The following ELOVL5 variants were observed in gnomAD, a reference collection of about 807,000 sequenced individuals.
The protein encoded by ELOVL5 is very long chain fatty acid elongase 5.
In ELOVL5, 8 loss-of-function variants were observed where a neutral mutation model predicts 38.6. That is an observed-to-expected ratio of 0.21 (90% confidence interval 0.12 to 0.37). The LOEUF (loss-of-function observed/expected upper bound fraction) is 0.37, where lower values mean the gene tolerates loss of function less well. ELOVL5 is among the 10% of genes least tolerant of loss of function. The probability of loss-of-function intolerance (pLI) is 1.00; values close to 1 mark genes in which losing one functional copy is unlikely to be tolerated. For synonymous variants in ELOVL5, 127 were observed against 133.7 expected, an observed-to-expected ratio of 0.95 and a Z score of 0.34; for missense variants, 280 against 367.8, an observed-to-expected ratio of 0.76 and a Z score of 1.95.
At chr6:53,294,526 G>C in intron 2 of ELOVL5, 1 of 1,535,000 alleles carries the variant, frequency 6.5e-7, no homozygotes, top group Middle Eastern at 1.7e-4. Context: ...ACAAGAACAA[G>C]GATCCTTGGT....
chr6:53,324,672 C>CAAAAAAAAAAAAAAAAAAAAAAAAA (rs200304234), intron 1 of ELOVL5, among the ~76,000 whole-genome samples: 1 of 80,382 alleles, frequency 1.2e-5, no homozygotes. Context: ...GAGATCCTGT[C>CAAAAAAAAAAAAAAAAAAAAAAAAA]AAAAAAAAAA....
In ELOVL5 at chr6:53,270,563, T is replaced by C. The variant is rs201498938; in HGVS notation, c.756+30A>G. The C allele has an allele frequency of 3.7e-6, 6 of 1,612,434 alleles. No homozygotes were observed. The African/African-American group carries it at 5.3e-5, about 14-fold the overall frequency. On this transcript the variant is annotated intron_variant, in intron 7 of 7. Coordinates refer to ENST00000304434, the MANE Select transcript of ELOVL5 (RefSeq NM_021814.5). ...GGCCTTTGTTGGTAAAGGCCCCAGA[T>C]TCCAAGTCCCAGAGAAGGGTGAGAT...
chr6:53,288,735 C>T (rs1253770006), intron 3 of ELOVL5, among the ~76,000 whole-genome samples: 1 of 151,992 alleles, frequency 6.6e-6, no homozygotes, highest in African/African-American at 2.4e-5. Flanking sequence ...CAGTGACTTC[C>T]TTTCATTTCC....
At chr6:53,313,512 C>A (rs1277914324) in intron 1 of ELOVL5, among the ~76,000 whole-genome samples, 2 of 152,018 alleles carry the variant, frequency 1.3e-5, no homozygotes, top group Non-Finnish European at 2.9e-5. Context: ...CAGGCATGTG[C>A]CACCACTCCC....
At chr6:53,341,834 GC>G (rs1769346300) in intron 1 of ELOVL5, among the ~76,000 whole-genome samples, 1 of 152,092 alleles carries the variant, frequency 6.6e-6, no homozygotes, top group Non-Finnish European at 1.5e-5. Flanking sequence ...TTAAGTCAGT[GC>G]CCCACCTAAC....
chr6:53,339,680 G>A (rs1769239732), intron 1 of ELOVL5, among the ~76,000 whole-genome samples: 1 of 152,180 alleles, frequency 6.6e-6, no homozygotes, highest in Non-Finnish European at 1.5e-5. Context: ...CTACTGCATA[G>A]CTAGACCTGT....
chr6:53,316,627 T>TG (rs1768056132), intron 1 of ELOVL5, among the ~76,000 whole-genome samples: 1 of 148,436 alleles, frequency 6.7e-6, no homozygotes, highest in African/African-American at 2.5e-5. Flanking sequence ...AGATGAGAGA[T>TG]GGGGGCCCTC....
chr6:53,328,792 G>A (rs1452962290), intron 1 of ELOVL5, among the ~76,000 whole-genome samples: 5 of 152,108 alleles, frequency 3.3e-5, no homozygotes, highest in Non-Finnish European at 7.3e-5. Flanking sequence ...CATCTAAAAA[G>A]CTATTAATGC....
At chr6:53,328,346 T>TAG (rs1415940794) in intron 1 of ELOVL5, among the ~76,000 whole-genome samples, 3 of 152,190 alleles carry the variant, frequency 2.0e-5, no homozygotes, top group African/African-American at 7.2e-5. Context: ...GGAAATACAG[T>TAG]AGCTCAACTG....
At chr6:53,287,601 G>A (rs1187513501) in intron 3 of ELOVL5, among the ~76,000 whole-genome samples, 2 of 152,300 alleles carry the variant, frequency 1.3e-5, no homozygotes, top group East Asian at 3.9e-4. Context: ...TCCTTAGTAC[G>A]CTCATGGCTT....
chr6:53,324,533 G>C lies in ELOVL5; in HGVS notation c.-9+24284C>G, dbSNP rs774838372. On this transcript the variant is annotated intron_variant, in intron 1 of 7. Transcript: ENST00000304434. ...TCTACAAAAAATAGGAAAATTAGCTGGGTGTGGTGGTGTGTGCCTGTGGTC... is the reference window on the plus strand; with the variant it reads ...TCTACAAAAAATAGGAAAATTAGCTCGGTGTGGTGGTGTGTGCCTGTGGTC... 2.6e-5 allele frequency among the ~76,000 whole-genome samples: 4 copies of C among 151,616 alleles called. No homozygotes were observed. In the South Asian group the frequency reaches 8.3e-4, roughly 32 times the overall value.
chr6:53,282,145 G>A (rs1414487957), intron 3 of ELOVL5, among the ~76,000 whole-genome samples: 2 of 152,238 alleles, frequency 1.3e-5, no homozygotes, highest in Non-Finnish European at 2.9e-5. Flanking sequence ...GGCACTATCT[G>A]TCTTTGCTAT....
intron 1 of ELOVL5, among the ~76,000 whole-genome samples, chr6:53,327,397 T>C (rs914233745): frequency 2.0e-5 from 3 of 152,208 alleles, no homozygotes; most frequent in Non-Finnish European, 4.4e-5. Context: ...TGGATGAAAC[T>C]TGAAAACATT....
At chr6:53,274,499 CTCCCAGGCTGAA>C (rs1766040769) in intron 5 of ELOVL5, among the ~76,000 whole-genome samples, 1 of 152,184 alleles carries the variant, frequency 6.6e-6, no homozygotes. Context: ...TTTGCTAAAA[CTCCCAGGCTGAA>C]TCTGAAGGTG....
chr6:53,290,838 T>C (rs900858913), intron 3 of ELOVL5, among the ~76,000 whole-genome samples: 2 of 152,124 alleles, frequency 1.3e-5, no homozygotes, highest in African/African-American at 4.8e-5. Context: ...AAGATTCATG[T>C]TTCTATCTCT....
Position 53,291,013 on chromosome 6 carries a change from A to G in ELOVL5, c.246+763T>C, listed in dbSNP as rs371580754. ...GGTGCTGTAAGAATGAAAAGTGGGT[A>G]GGCTTTCCTGGAAAAATGTACACAA... On this transcript the variant is annotated intron_variant, in intron 3 of 7. Transcript: ENST00000304434. Among the ~76,000 whole-genome samples the G allele has an allele frequency of 1.6e-4, 24 of 152,278 alleles. No individual in the cohort carries two copies. In the East Asian group the frequency reaches 4.1e-3, roughly 26 times the overall value.
Position 53,270,617 on chromosome 6 carries a change from A to G in ELOVL5, c.732T>C (p.Ala244=). The G allele has an allele frequency of 6.2e-7, 1 of 1,614,170 alleles. No homozygotes were observed. The highest frequency in any genetic ancestry group is 8.5e-7 in the Non-Finnish European group (1 of 1,180,016). Residue 244 remains alanine (A), a synonymous_variant, in exon 7 of 8, where the codon GCT becomes GCC. Transcript: ENST00000304434. ...CCTGAATGTAGAAGTTTGTGAAGAGAGCAATCAGGGAAATCATGTATCCAA... is the reference window on the plus strand; with the variant it reads ...CCTGAATGTAGAAGTTTGTGAAGAGGGCAATCAGGGAAATCATGTATCCAA... ...FQIGYMISLI[A]LFTNFYIQTY... is the part of the protein sequence containing the mutation.
At chr6:53,289,457 G>A (rs531504521) in intron 3 of ELOVL5, among the ~76,000 whole-genome samples, 7 of 152,204 alleles carry the variant, frequency 4.6e-5, no homozygotes, top group African/African-American at 7.2e-5. Context: ...GGTGGCTCAC[G>A]CCTGTAATCC....
In ELOVL5 at chr6:53,342,368, TG is replaced by T. The variant is rs1194252817; in HGVS notation, c.-9+6448del. Among the ~76,000 whole-genome samples the T allele has an allele frequency of 4.6e-5, 7 of 152,340 alleles. No homozygotes were observed. In the East Asian group the frequency reaches 1.3e-3, roughly 29 times the overall value. ...GAGAAATTCATAACACTCACTTTGT[TG>T]TAGCATTTGCTGTGCCAAGACCAAA... On this transcript the variant is annotated intron_variant, in intron 1 of 7. Transcript: ENST00000304434.
Sources: gnomAD v4.1 joint callset for allele counts (sites outside exome capture counted in the v4.1 genomes callset) on GRCh38, gnomAD v4.1.1 for gene constraint, MANE v1.5 for transcripts, NCBI Gene and HGNC (gene_info 2026-07-23, HGNC 2026-07-21) for gene names.